Variants in XPO5 observed in about 807,000 individuals in gnomAD.
XPO5 encodes exportin-5.
Under a neutral mutation model 160.6 loss-of-function variants are expected in XPO5, and 46 were observed. That is an observed-to-expected ratio of 0.29 (90% CI 0.23 to 0.37). The LOEUF (loss-of-function observed/expected upper bound fraction) is 0.37, where lower values mean the gene tolerates loss of function less well. Among genes scored for constraint, XPO5 ranks in the 10% least tolerant of loss-of-function variants. The pLI, the probability that XPO5 is intolerant of heterozygous loss-of-function variation, is 1.00. For synonymous variants in XPO5, 537 were observed against 519.3 expected (o/e 1.03, Z -0.46); for missense variants, 1,090 against 1,463.9 (o/e 0.74, Z 4.17).
chr6:43,528,094 C>T, intron 25 of XPO5, 65 bp downstream of exon 25: 1 of 1,506,828 alleles, frequency 6.6e-7, no homozygotes, highest in Non-Finnish European at 9.0e-7. Context: ...CTGCCCGCTT[C>T]CTTTTCCCAC....
intron 9 of XPO5, chr6:43,561,407 C>T (rs1315367865): frequency 2.4e-5 from 4 of 164,328 alleles, no homozygotes; most frequent in Middle Eastern, 3.1e-3. Context: ...TAGATGGAGT[C>T]TCACTCTGTT....
intron 5 of XPO5, among the ~76,000 whole-genome samples, 172 bp downstream of exon 5, chr6:43,570,330 A>AAAAAAAAG (rs1762949188): frequency 6.7e-6 from 1 of 149,926 alleles, no homozygotes; most frequent in African/African-American, 2.5e-5. Flanking sequence ...AAAAAAAAAA[A>AAAAAAAAG]AAAGAAAGAA....
intron 5 of XPO5, 64 bp from the exon 6 acceptor site, chr6:43,568,801 C>T: frequency 1.4e-6 from 2 of 1,392,690 alleles, no homozygotes; most frequent in Non-Finnish European, 9.7e-7. Flanking sequence ...AACTTTCTAC[C>T]CCCCACAAAT....
At chr6:43,530,117 C>A (rs1022853617) in intron 23 of XPO5, among the ~76,000 whole-genome samples, 1 of 151,918 alleles carries the variant, frequency 6.6e-6, no homozygotes, top group South Asian at 2.1e-4. Context: ...ATTAGCTGGG[C>A]GTAGTAGCAT....
intron 6 of XPO5, 109 bp from the exon 7 acceptor site, chr6:43,567,463 G>C: frequency 1.0e-6 from 1 of 1,000,586 alleles, no homozygotes; most frequent in Non-Finnish European, 1.4e-6. Flanking sequence ...TATTTTTTAA[G>C]AATATACTCA....
intron 28 of XPO5, 65 bp from the exon 29 acceptor site, chr6:43,525,279 C>T: frequency 2.1e-6 from 3 of 1,428,276 alleles, no homozygotes; most frequent in Non-Finnish European, 2.9e-6. Context: ...ATGATTATTA[C>T]ACATCAGGAG....
At chr6:43,533,547 C>T (rs1794133265) in intron 21 of XPO5, 1 of 177,220 alleles carries the variant, frequency 5.6e-6, no homozygotes, top group Non-Finnish European at 1.2e-5. Flanking sequence ...GCTGAAGCTG[C>T]TCAAGGAACC....
At chr6:43,569,280 G>C (rs546699583) in intron 5 of XPO5, among the ~76,000 whole-genome samples, 3 of 112,578 alleles carry the variant, frequency 2.7e-5, no homozygotes, top group African/African-American at 9.9e-5. Context: ...CAACAAAAGT[G>C]AAACTCCGTC....
rs755434559 is a variant in XPO5 at position 43,530,836 on chromosome 6, A to G, written c.2541-12T>C. 1 of 1,599,302 alleles carries G rather than the reference A, an allele frequency of 6.3e-7. No individual in the cohort carries two copies. Among genetic ancestry groups the G allele is most frequent in the Admixed American group, 1.8e-5 (1 of 56,960 alleles). On this transcript the variant is annotated splice_polypyrimidine_tract_variant and intron_variant, in intron 22 of 31. Coordinates refer to ENST00000265351, the MANE Select transcript of XPO5 (RefSeq NM_020750.3). ...CTAGGATATGAAAACTGTAAAGGGG[A>G]AAAAAAGAGCATTGAAAATGACAAA...
At chr6:43,562,736 A>G (rs1248958534) in intron 8 of XPO5, among the ~76,000 whole-genome samples, 1 of 152,204 alleles carries the variant, frequency 6.6e-6, no homozygotes, top group Non-Finnish European at 1.5e-5. Context: ...CCTGGGTTGG[A>G]ATCACCGCTT....
rs1793369371 is a variant in XPO5, at chr6:43,524,011, G to A, written c.3478-6C>T. The A allele has an allele frequency of 6.2e-7, 1 of 1,610,936 alleles. No individual in the cohort carries two copies. Among genetic ancestry groups the A allele is most frequent in the African/African-American group, 1.3e-5 (1 of 74,900 alleles). On this transcript the variant is annotated splice_region_variant and splice_polypyrimidine_tract_variant and intron_variant, in intron 31 of 31. Coordinates refer to ENST00000265351, the MANE Select transcript of XPO5 (RefSeq NM_020750.3). Reference sequence around the variant, plus strand: ...AACTGCTCTCCCAAGGGTTTCTGTGGAAAACAAATGAGAAAGAATTAATGC... The same window carrying A: ...AACTGCTCTCCCAAGGGTTTCTGTGAAAAACAAATGAGAAAGAATTAATGC...
chr6:43,539,607 TGCCACTGGCGAAACCTCTGCGGAA>T, intron 20 of XPO5: 1 of 1,385,378 alleles, frequency 7.2e-7, no homozygotes, highest in East Asian at 2.4e-5. Context: ...CGGCCCCGGA[TGCCACTGGCGAAACCTCTGCGGAA>T]GCCACCGCGG....
chr6:43,567,029 G>A, intron 7 of XPO5, 140 bp downstream of exon 7: 1 of 788,458 alleles, frequency 1.3e-6, no homozygotes, highest in Admixed American at 3.2e-5. Context: ...CCTGTCCAAG[G>A]GGGTTGGAAG....
chr6:43,558,674 T>C (rs1490967871), intron 11 of XPO5, 83 bp from the exon 12 acceptor site: 1 of 1,025,372 alleles, frequency 9.8e-7, no homozygotes, highest in Non-Finnish European at 1.4e-6. Flanking sequence ...TCAAGCACTT[T>C]TAATTTATTT....
chr6:43,572,693 C>A, intron 2 of XPO5, 115 bp from the exon 3 acceptor site: 1 of 1,166,818 alleles, frequency 8.6e-7, no homozygotes. Context: ...AGAAATTATA[C>A]TTTTGATTTT....
chr6:43,536,465 A>C (rs1363056347), intron 20 of XPO5, among the ~76,000 whole-genome samples: 1 of 150,860 alleles, frequency 6.6e-6, no homozygotes, highest in Non-Finnish European at 1.5e-5. Context: ...TATGGTCTAG[A>C]AGTTTTACTT....
At chr6:43,548,543 A>G in intron 17 of XPO5, 83 bp from the exon 18 acceptor site, 1 of 1,270,758 alleles carries the variant, frequency 7.9e-7, no homozygotes, top group Non-Finnish European at 1.0e-6. Flanking sequence ...AAGAAAGAAG[A>G]AAACCAAAGC....
intron 15 of XPO5, among the ~76,000 whole-genome samples, chr6:43,550,720 A>C (rs375262587): frequency 1.3e-5 from 2 of 152,324 alleles, no homozygotes; most frequent in East Asian, 3.9e-4. Flanking sequence ...CATATTCTTC[A>C]AACACAGTAT....
chr6:43,524,396 C>A, intron 31 of XPO5, 75 bp downstream of exon 31: 1 of 1,448,878 alleles, frequency 6.9e-7, no homozygotes, highest in Non-Finnish European at 9.3e-7. Context: ...TCAATAACTA[C>A]AGCTGGTTTA....
Sources: gnomAD v4.1 joint callset for allele counts (sites outside exome capture counted in the v4.1 genomes callset) on GRCh38, gnomAD v4.1.1 for gene constraint, MANE v1.5 for transcripts, NCBI Gene and HGNC (gene_info 2026-07-23, HGNC 2026-07-21) for gene names.